Variants in CDYL2 observed in about 807,000 individuals in gnomAD.
CDYL2 encodes chromodomain Y like 2, also known as chromodomain Y-like protein 2.
In CDYL2, 23 loss-of-function variants were observed where a neutral mutation model predicts 49.4. That is an observed-to-expected ratio of 0.47 (90% CI 0.34 to 0.66). CDYL2 has a LOEUF of 0.66. CDYL2 is among the 30% of genes least tolerant of loss of function. The pLI is 0.01. For synonymous variants in CDYL2, 360 were observed against 268.8 expected, an observed-to-expected ratio of 1.34 and a Z score of -3.32; for missense variants, 678 against 656.4, an observed-to-expected ratio of 1.03 and a Z score of -0.36.
chr16:80,608,975 G>C (rs777555337), intron 5 of CDYL2, among the ~76,000 whole-genome samples: 1 of 152,140 alleles, frequency 6.6e-6, no homozygotes, highest in East Asian at 1.9e-4. Context: ...AAAAGGTCGT[G>C]AATAACACCA....
At chr16:80,801,979 G>T (rs1907939999) in intron 1 of CDYL2, among the ~76,000 whole-genome samples, 1 of 152,090 alleles carries the variant, frequency 6.6e-6, no homozygotes, top group African/African-American at 2.4e-5. Context: ...CCATGGGAAA[G>T]CCATTTTCCA....
chr16:80,675,181 A>G (rs1909692353), intron 2 of CDYL2, among the ~76,000 whole-genome samples: 1 of 152,188 alleles, frequency 6.6e-6, no homozygotes, highest in East Asian at 1.9e-4. Context: ...GTTGGCTTCA[A>G]CCTGAATCCC....
intron 1 of CDYL2, among the ~76,000 whole-genome samples, chr16:80,788,915 G>A (rs141408861): frequency 6.6e-6 from 1 of 152,060 alleles, no homozygotes; most frequent in Non-Finnish European, 1.5e-5. Context: ...AAACAACTAT[G>A]ACTGTTTTGT....
chr16:80,611,356 C>T (rs1254178353), intron 5 of CDYL2, among the ~76,000 whole-genome samples: 1 of 152,144 alleles, frequency 6.6e-6, no homozygotes, highest in Admixed American at 6.5e-5. Context: ...TTCTGAGATC[C>T]AGATGGGACC....
Position 80,684,731 on chromosome 16 carries a change from G to A in CDYL2, c.423C>T (p.Pro141=). ...TCAGGGGCATTATTTGCAAACCACT[G>A]GGGGTAGTCCTGTAAGACACCGTCT... The part of the protein sequence containing the change: ...ATKTVSYRTT[P]SGLQIMPLKK... Residue 141 remains proline, a synonymous_variant, in exon 2 of 7, where the codon CCC becomes CCT. Transcript: ENST00000570137. 1 of 1,614,144 alleles carries A rather than the reference G, an allele frequency of 6.2e-7. No homozygotes were observed. The highest frequency in any genetic ancestry group is 8.5e-7 in the Non-Finnish European group (1 of 1,180,028).
intron 2 of CDYL2, among the ~76,000 whole-genome samples, chr16:80,667,584 T>C (rs1909320508): frequency 6.6e-6 from 1 of 152,186 alleles, no homozygotes; most frequent in African/African-American, 2.4e-5. Context: ...TTGCAGTTAT[T>C]TGTCTAAACA....
intron 1 of CDYL2, among the ~76,000 whole-genome samples, chr16:80,717,514 C>A (rs1332154905): frequency 2.6e-5 from 4 of 152,202 alleles, no homozygotes; most frequent in African/African-American, 4.8e-5. Flanking sequence ...AGCCCCCAGT[C>A]CTCTTCCAAA....
chr16:80,652,434 C>G (rs1262799465), intron 2 of CDYL2, among the ~76,000 whole-genome samples: 1 of 152,210 alleles, frequency 6.6e-6, no homozygotes. Context: ...TGAGTCCATA[C>G]TGCTTTAAAT....
intron 1 of CDYL2, among the ~76,000 whole-genome samples, chr16:80,785,117 G>T (rs995034682): frequency 6.6e-6 from 1 of 152,008 alleles, no homozygotes; most frequent in African/African-American, 2.4e-5. Context: ...GAAGACTTTG[G>T]GAGAAAGGGA....
Position 80,775,446 on chromosome 16 carries a change from T to C in CDYL2, c.24+28704A>G, listed in dbSNP as rs545380092. ...TAAAGTGTCTAAGGAGCTTGCCTTT[T>C]TCAAGGGGGGTGGGTTGTAACAATT... On this transcript the variant is annotated intron_variant, in intron 1 of 6. Coordinates refer to ENST00000570137, the MANE Select transcript of CDYL2 (RefSeq NM_152342.4). Among the ~76,000 whole-genome samples the C allele has an allele frequency of 5.9e-5, 9 of 151,904 alleles. No homozygotes were observed. The East Asian group carries it at 1.5e-3, about 26-fold the overall frequency.
intron 1 of CDYL2, among the ~76,000 whole-genome samples, chr16:80,718,365 T>C (rs1319470507): frequency 6.6e-6 from 1 of 152,226 alleles, no homozygotes; most frequent in Non-Finnish European, 1.5e-5. Context: ...TTACCTTATG[T>C]GCACAATCCC....
rs1397584347 is a variant in CDYL2, at chr16:80,695,590, G to A, written c.25-10461C>T. On this transcript the variant is annotated intron_variant, in intron 1 of 6. Transcript: ENST00000570137. ...CTACACAAACAGAAACCAAAAATGA[G>A]CAGAAGTGGTTATATTTATAGCAGA... 5.3e-5 allele frequency among the ~76,000 whole-genome samples: 8 copies of A among 152,212 alleles called. No homozygotes were observed. In the East Asian group the frequency reaches 1.5e-3, roughly 29 times the overall value.
intron 1 of CDYL2, among the ~76,000 whole-genome samples, chr16:80,697,915 G>A (rs1338636420): frequency 6.6e-6 from 1 of 151,922 alleles, no homozygotes; most frequent in Non-Finnish European, 1.5e-5. Flanking sequence ...TAAAAAAATG[G>A]AAATACATCC....
At chr16:80,606,784 T>C (rs1178036124) in intron 6 of CDYL2, among the ~76,000 whole-genome samples, 1 of 152,188 alleles carries the variant, frequency 6.6e-6, no homozygotes, top group Non-Finnish European at 1.5e-5. Context: ...ACTGTTCTCC[T>C]GGTAGTGAAG....
intron 4 of CDYL2, among the ~76,000 whole-genome samples, chr16:80,614,261 C>G (rs1906727483): frequency 6.6e-6 from 1 of 152,226 alleles, no homozygotes; most frequent in African/African-American, 2.4e-5. Flanking sequence ...TTTCCCGTCT[C>G]CGACTGCATG....
chr16:80,775,307 T>A (rs2142399125), intron 1 of CDYL2, among the ~76,000 whole-genome samples: 1 of 151,960 alleles, frequency 6.6e-6, no homozygotes, highest in South Asian at 2.1e-4. Flanking sequence ...ATGTTAAAGA[T>A]AAAATGCTTA....
At chr16:80,653,488 C>T (rs1019086366) in intron 2 of CDYL2, among the ~76,000 whole-genome samples, 33 of 151,982 alleles carry the variant, frequency 2.2e-4, no homozygotes, top group African/African-American at 6.7e-4. Flanking sequence ...AGCAAACAAA[C>T]GAAAAAACAA....
At chr16:80,634,237 G>T (rs1047323459) in intron 2 of CDYL2, among the ~76,000 whole-genome samples, 1 of 152,278 alleles carries the variant, frequency 6.6e-6, no homozygotes, top group African/African-American at 2.4e-5. Context: ...CTCACACTTG[G>T]AAAGAACCCA....
chr16:80,703,692 G>A (rs1035342588), intron 1 of CDYL2, among the ~76,000 whole-genome samples: 2 of 152,078 alleles, frequency 1.3e-5, no homozygotes, highest in Non-Finnish European at 2.9e-5. Context: ...TCCCAGAACC[G>A]CACCTGGTGG....
Sources: gnomAD v4.1 joint callset for allele counts (sites outside exome capture counted in the v4.1 genomes callset) on GRCh38, gnomAD v4.1.1 for gene constraint, MANE v1.5 for transcripts, NCBI Gene and HGNC (gene_info 2026-07-23, HGNC 2026-07-21) for gene names.